The following DHRS4L2 variants were observed in gnomAD, a reference collection of about 807,000 sequenced individuals.
DHRS4L2 encodes the protein dehydrogenase/reductase SDR family member 4-like 2.
A neutral mutation model predicts 23.9 loss-of-function variants in DHRS4L2; 22 were observed. The ratio of observed to expected loss-of-function variants is 0.92; its 90% CI spans 0.66 to 1.31. The LOEUF (loss-of-function observed/expected upper bound fraction) is 1.31. Among genes scored for constraint, DHRS4L2 ranks in the 40% most tolerant of loss-of-function variants. DHRS4L2 has a pLI of 0.00. For missense variants in DHRS4L2, 385 were observed against 303.3 expected (o/e 1.27, Z -2.00); for synonymous variants, 141 against 123.7 (o/e 1.14, Z -0.93).
chr14:23,972,210 G>C (rs1278989469), intron 1 of DHRS4L2, among the ~76,000 whole-genome samples: 1 of 152,028 alleles, frequency 6.6e-6, no homozygotes, highest in East Asian at 1.9e-4. Context: ...GTTCTTAAAG[G>C]CAGCGTGTCT....
At chr14:23,972,469 C>T (rs2033879632) in intron 1 of DHRS4L2, among the ~76,000 whole-genome samples, 1 of 151,900 alleles carries the variant, frequency 6.6e-6, no homozygotes, top group Non-Finnish European at 1.5e-5. Flanking sequence ...CTCATAAAGG[C>T]AGTGTGGACC....
exon 1 of DHRS4L2, chr14:23,970,318 G>A (rs1342025278): frequency 6.9e-6 from 3 of 436,868 alleles, no homozygotes; most frequent in Non-Finnish European, 9.2e-6. Context: ...CTCCGCTGGA[G>A]CTGGAGCTTG....
chr14:24,006,198 G>C lies in DHRS4L2; in HGVS notation c.*335G>C, dbSNP rs1290794323. On this transcript the variant is annotated 3_prime_UTR_variant, in exon 8 of 8. Coordinates refer to ENST00000335125, the MANE Select transcript of DHRS4L2 (RefSeq NM_198083.4). ...GATTCCTGCTGTTGTTGTGGCCTTG[G>C]GTAAAGGCCTCCCCTGAGAACACAG... The C allele has an allele frequency of 1.9e-6, 2 of 1,032,360 alleles. No individual in the cohort carries two copies. Among genetic ancestry groups the C allele is most frequent in the Non-Finnish European group, 2.7e-6 (2 of 747,322 alleles). 63.9% of individuals were successfully genotyped at this position (1,032,360 alleles called of 1,614,324 possible).
At chr14:23,983,299 A>G (rs1413837362) in intron 1 of DHRS4L2, among the ~76,000 whole-genome samples, 1 of 151,878 alleles carries the variant, frequency 6.6e-6, no homozygotes, top group African/African-American at 2.4e-5. Context: ...ATCACTGCTC[A>G]TTAGAGACAT....
upstream of DHRS4L2, chr14:23,988,794 G>A: frequency 7.1e-7 from 1 of 1,402,648 alleles, no homozygotes; most frequent in Non-Finnish European, 9.3e-7. Flanking sequence ...CGACTGGCGG[G>A]CGGCGGGAGG....
upstream of DHRS4L2, among the ~76,000 whole-genome samples, chr14:23,985,763 G>A (rs1021314777): frequency 6.6e-6 from 1 of 151,490 alleles, no homozygotes. Flanking sequence ...TGCCCAGGCT[G>A]GAGTGCAGTG....
chr14:23,988,861 G>A (rs2138531031), upstream of DHRS4L2: 1 of 1,520,618 alleles, frequency 6.6e-7, no homozygotes, highest in Non-Finnish European at 8.8e-7. Flanking sequence ...GGCAGGCAGG[G>A]AAGCGGCCCG....
chr14:23,976,128 G>T lies in DHRS4L2; in HGVS notation c.-176+5796G>T, dbSNP rs903597843. 1.3e-5 allele frequency among the ~76,000 whole-genome samples: 2 copies of T among 151,592 alleles called. 1 individual carries two copies. The highest frequency in any genetic ancestry group is 4.2e-4 in the South Asian group (2 of 4,812). On this transcript the variant is annotated intron_variant, in intron 1 of 5. Transcript: ENST00000534993. ...TAATGGGATCTACCTAAACTAAAGA[G>T]CTTCTGCACAGCAAAAGAAACTATC...
At chr14:23,990,532 T>C (rs1458007173) in intron 2 of DHRS4L2, among the ~76,000 whole-genome samples, 173 bp downstream of exon 2, 1 of 151,174 alleles carries the variant, frequency 6.6e-6, no homozygotes, top group East Asian at 1.9e-4. Flanking sequence ...TAAAACATTC[T>C]AATGCTTCAA....
chr14:23,981,594 A>C (rs1484374946), intron 1 of DHRS4L2, among the ~76,000 whole-genome samples: 1 of 151,704 alleles, frequency 6.6e-6, no homozygotes, highest in African/African-American at 2.4e-5. Context: ...TAGAGAAAGA[A>C]AAGTGGGCCC....
chr14:23,983,293 C>T (rs576913112), intron 1 of DHRS4L2, among the ~76,000 whole-genome samples: 1 of 151,792 alleles, frequency 6.6e-6, no homozygotes, highest in Non-Finnish European at 1.5e-5. Flanking sequence ...TTCATCATCA[C>T]TGCTCATTAG....
intron 1 of DHRS4L2, among the ~76,000 whole-genome samples, chr14:23,972,788 G>A (rs753411279): frequency 1.3e-5 from 2 of 151,996 alleles, no homozygotes; most frequent in Non-Finnish European, 2.9e-5. Flanking sequence ...AAAAAGGAAT[G>A]TAGTAGGAGG....
intron 2 of DHRS4L2, 68 bp downstream of exon 2, chr14:23,990,427 T>G: frequency 6.6e-7 from 1 of 1,524,104 alleles, no homozygotes; most frequent in Non-Finnish European, 8.8e-7. Context: ...CCTCCTTCCC[T>G]GCTTTCCTAG....
upstream of DHRS4L2, chr14:23,987,242 T>C (rs186938764): frequency 2.9e-6 from 1 of 343,778 alleles, no homozygotes; most frequent in South Asian, 2.0e-5. Context: ...GCCATTCCCC[T>C]GCCTCAGCCT....
chr14:23,992,308 G>A lies in DHRS4L2; in HGVS notation c.306+1949G>A, dbSNP rs769585572. Reference sequence around the variant, plus strand: ...TGCCCAAGAGACATTTAGTGGAAACGAACCAAGATTTTCCAACCCCATGTC... The same window carrying A: ...TGCCCAAGAGACATTTAGTGGAAACAAACCAAGATTTTCCAACCCCATGTC... On this transcript the variant is annotated intron_variant, in intron 2 of 7. Coordinates refer to ENST00000335125, the MANE Select transcript of DHRS4L2 (RefSeq NM_198083.4). 2.6e-5 allele frequency among the ~76,000 whole-genome samples: 4 copies of A among 151,470 alleles called. 1 individual carries two copies. The highest frequency in any genetic ancestry group is 6.6e-5 in the Admixed American group (1 of 15,222).
At chr14:23,970,178 C>T (rs1220333092) in exon 1 of DHRS4L2, 3 of 455,488 alleles carry the variant, frequency 6.6e-6, no homozygotes, top group East Asian at 7.0e-5. Context: ...CGTCTGGTAG[C>T]ATCCCAGATC....
intron 1 of DHRS4L2, among the ~76,000 whole-genome samples, chr14:23,977,325 G>C (rs950380794): frequency 6.6e-6 from 1 of 151,702 alleles, no homozygotes; most frequent in Non-Finnish European, 1.5e-5. Flanking sequence ...AGGGCTGGCA[G>C]TGCTGAGCCA....
upstream of DHRS4L2, among the ~76,000 whole-genome samples, chr14:23,986,047 G>T (rs145578551): frequency 3.3e-5 from 5 of 151,226 alleles, no homozygotes; most frequent in Non-Finnish European, 7.4e-5. Flanking sequence ...CAGTAGAGAC[G>T]AGGTTTCATC....
At position 23,995,024 on chromosome 14, in the gene DHRS4L2, C is replaced by G. The variant is rs2034350638; in HGVS notation, c.307-8C>G. 2 of 1,612,796 alleles carry G rather than the reference C, an allele frequency of 1.2e-6. No individual in the cohort carries two copies. Among genetic ancestry groups the G allele is most frequent in the East Asian group, 4.5e-5 (2 of 44,868 alleles). Reference sequence around the variant, plus strand: ...CAGCCCTGGTCCAGACCTTACCCCTCTCTCTAGGCTGTGAAGCTTCATGGA... The same window carrying G: ...CAGCCCTGGTCCAGACCTTACCCCTGTCTCTAGGCTGTGAAGCTTCATGGA... On this transcript the variant is annotated splice_polypyrimidine_tract_variant and splice_region_variant and intron_variant, in intron 2 of 7. Transcript: ENST00000335125.
Sources: allele counts gnomAD v4.1 joint callset (sites outside exome capture counted in the v4.1 genomes callset), GRCh38; gene constraint gnomAD v4.1.1; transcripts MANE v1.5; gene names NCBI Gene and HGNC (gene_info 2026-07-23, HGNC 2026-07-21).